Variants in PLA2G4E observed in about 807,000 individuals in gnomAD.
PLA2G4E encodes the protein phospholipase A2 group IVE.
In PLA2G4E, 84 loss-of-function variants were observed where a neutral mutation model predicts 109.1. The observed-to-expected ratio is 0.77, with a 90% CI of 0.65 to 0.92. The LOEUF (loss-of-function observed/expected upper bound fraction) is 0.92, where lower values mean the gene tolerates loss of function less well. PLA2G4E is among the 40% of genes least tolerant of loss of function. PLA2G4E has a pLI of 0.00. For synonymous variants in PLA2G4E, 469 were observed against 436.1 expected (o/e 1.08, Z -0.94); for missense variants, 1,057 against 1,076.6 (o/e 0.98, Z 0.25).
intron 1 of PLA2G4E, among the ~76,000 whole-genome samples, chr15:42,041,613 CTG>C (rs1479364695): frequency 1.3e-5 from 2 of 152,204 alleles, no homozygotes; most frequent in African/African-American, 4.8e-5. Context: ...AGGAAGGACA[CTG>C]GGAGTTCCAG....
chr15:42,006,014 G>A (rs766776514), exon 4 of PLA2G4E: 70 of 1,613,844 alleles, frequency 4.3e-5, no homozygotes, highest in African/African-American at 5.3e-5. Flanking sequence ...GAAACTTCAC[G>A]TGGGTTTTCT....
chr15:42,010,137 C>CA, intron 2 of PLA2G4E: 1 of 474,598 alleles, frequency 2.1e-6, no homozygotes, highest in South Asian at 1.8e-5. Flanking sequence ...CACTGGCCCC[C>CA]CCACCCCGGG....
intron 2 of PLA2G4E, among the ~76,000 whole-genome samples, chr15:42,011,990 A>G (rs2068540811): frequency 1.3e-5 from 2 of 152,200 alleles, no homozygotes; most frequent in Non-Finnish European, 2.9e-5. Context: ...CTTGAGGAAA[A>G]GTCCCTGGCC....
Position 41,994,698 on chromosome 15 carries a change from G to A in PLA2G4E, c.1247+662C>T, listed in dbSNP as rs903102935. Among the ~76,000 whole-genome samples, 7 of 152,048 alleles carry A rather than the reference G, an allele frequency of 4.6e-5. No individual in the cohort carries two copies. In the East Asian group the frequency reaches 1.4e-3, roughly 29 times the overall value. ...ATATTAAAATTTATATTTCATGCTGGCCACATAAAAAATATTAAAATTTAT... is the reference window on the plus strand; with the variant it reads ...ATATTAAAATTTATATTTCATGCTGACCACATAAAAAATATTAAAATTTAT... On this transcript the variant is annotated intron_variant, in intron 12 of 19. Transcript: ENST00000399518.
At chr15:42,027,439 C>A (rs1417698638) in intron 1 of PLA2G4E, among the ~76,000 whole-genome samples, 2 of 152,062 alleles carry the variant, frequency 1.3e-5, no homozygotes, top group East Asian at 3.9e-4. Context: ...ATATTTTTTT[C>A]CCTCCAGCTT....
exon 17 of PLA2G4E, chr15:41,987,332 G>A (rs1413576608): frequency 3.1e-6 from 5 of 1,613,862 alleles, no homozygotes; most frequent in African/African-American, 1.3e-5. Context: ...TCTCCAGGAT[G>A]TTAGCATCAC....
At chr15:42,039,029 G>A (rs1385562852) in intron 1 of PLA2G4E, among the ~76,000 whole-genome samples, 1 of 152,056 alleles carries the variant, frequency 6.6e-6, no homozygotes, top group Non-Finnish European at 1.5e-5. Context: ...TAGGGATCGT[G>A]GGCATCTTTT....
chr15:42,029,572 T>C (rs967233101), intron 1 of PLA2G4E, among the ~76,000 whole-genome samples: 2 of 152,186 alleles, frequency 1.3e-5, no homozygotes, highest in Admixed American at 1.3e-4. Context: ...TTATCACCCA[T>C]CACTTTGGTA....
At chr15:42,004,848 A>G (rs16952433) in intron 5 of PLA2G4E, 90 bp downstream of exon 5, 285,124 of 1,461,536 alleles carry the variant, frequency 0.2, 34,384 homozygotes, top group East Asian at 0.51. Flanking sequence ...GTGAGGCAGC[A>G]AAAAGGCCGA....
At chr15:41,992,374 TCC>T (rs1326216582) in intron 13 of PLA2G4E, among the ~76,000 whole-genome samples, 1 of 152,104 alleles carries the variant, frequency 6.6e-6, no homozygotes, top group Non-Finnish European at 1.5e-5. Flanking sequence ...TGACCTTTCT[TCC>T]TCTCCCCACC....
At chr15:41,984,701 C>T (rs1055434639) in intron 18 of PLA2G4E, 82 bp from the exon 19 acceptor site, 2 of 1,281,816 alleles carry the variant, frequency 1.6e-6, no homozygotes, top group Non-Finnish European at 1.0e-6. Flanking sequence ...CCCCAGCTTC[C>T]TGATTTCCCC....
chr15:41,986,087 C>T, intron 17 of PLA2G4E, 82 bp from the exon 18 acceptor site: 1 of 1,445,806 alleles, frequency 6.9e-7, no homozygotes, highest in Non-Finnish European at 9.4e-7. Flanking sequence ...GACGGAGCGC[C>T]CTGTCTGGAG....
intron 1 of PLA2G4E, among the ~76,000 whole-genome samples, chr15:42,032,110 AGCCTTCT>A (rs1212035534): frequency 1.3e-5 from 2 of 152,164 alleles, no homozygotes; most frequent in African/African-American, 4.8e-5. Context: ...GCTCCCTGTC[AGCCTTCT>A]GCCACGAGTA....
exon 14 of PLA2G4E, chr15:41,990,214 C>A (rs1420975712): frequency 7.4e-6 from 12 of 1,613,694 alleles, no homozygotes; most frequent in Non-Finnish European, 1.0e-5. Flanking sequence ...GCACGCTGAT[C>A]TGACAGTTTG....
chr15:42,048,271 T>C (rs961603781), intron 1 of PLA2G4E, among the ~76,000 whole-genome samples: 11 of 152,212 alleles, frequency 7.2e-5, no homozygotes, highest in Non-Finnish European at 1.5e-4. Flanking sequence ...TAGGTTTGTG[T>C]GCACACACTC....
chr15:42,050,373 A>G (rs879594278), intron 1 of PLA2G4E: 2 of 898,754 alleles, frequency 2.2e-6, no homozygotes. Context: ...TGATGGCAGC[A>G]GGGTAAAGGG....
chr15:42,015,303 T>A (rs1367306218), intron 1 of PLA2G4E, among the ~76,000 whole-genome samples: 7 of 152,056 alleles, frequency 4.6e-5, no homozygotes, highest in Non-Finnish European at 1.0e-4. Flanking sequence ...AGCAACAGAG[T>A]GTCGCCGGAT....
chr15:41,994,225 A>G (rs942669040), intron 12 of PLA2G4E, among the ~76,000 whole-genome samples: 7 of 152,260 alleles, frequency 4.6e-5, no homozygotes, highest in Non-Finnish European at 1.0e-4. Context: ...AAGATGAGCC[A>G]TAGGAAGCAG....
intron 1 of PLA2G4E, among the ~76,000 whole-genome samples, chr15:42,021,939 T>A (rs1260702453): frequency 6.6e-6 from 1 of 152,198 alleles, no homozygotes; most frequent in East Asian, 1.9e-4. Context: ...TGGAGGTACC[T>A]GTGGGAACTC....
Sources: allele counts gnomAD v4.1 joint callset (sites outside exome capture counted in the v4.1 genomes callset), GRCh38; gene constraint gnomAD v4.1.1; transcripts MANE v1.5; gene names NCBI Gene and HGNC (gene_info 2026-07-23, HGNC 2026-07-21).